Variants in DACH1 observed in about 807,000 individuals in gnomAD.
The protein encoded by DACH1 is dachshund family transcription factor 1.
DACH1 carries 12 observed loss-of-function variants against 54.2 expected under a neutral mutation model. The ratio of observed to expected loss-of-function variants is 0.22; its 90% CI spans 0.14 to 0.36. The LOEUF (loss-of-function observed/expected upper bound fraction) is 0.36, where lower values mean the gene tolerates loss of function less well. Among genes scored for constraint, DACH1 ranks in the 10% least tolerant of loss-of-function variants. The pLI, the probability that DACH1 is intolerant of heterozygous loss-of-function variation, is 1.00. For missense variants in DACH1, 805 were observed against 929.8 expected (o/e 0.87, Z 1.75); for synonymous variants, 386 against 366.2 (o/e 1.05, Z -0.62).
At chr13:71,755,763 A>C (rs2137991417) in intron 1 of DACH1, among the ~76,000 whole-genome samples, 1 of 152,288 alleles carries the variant, frequency 6.6e-6, no homozygotes, top group East Asian at 1.9e-4. Flanking sequence ...AAACTAAATC[A>C]AGTCTGTCCC....
chr13:71,843,955 A>G (rs1594291234), intron 1 of DACH1, among the ~76,000 whole-genome samples: 1 of 152,214 alleles, frequency 6.6e-6, no homozygotes, highest in East Asian at 1.9e-4. Context: ...TGCCCTAGGG[A>G]AGTCATAAAT....
At chr13:71,837,990 T>A in intron 1 of DACH1, among the ~76,000 whole-genome samples, 1 of 96,708 alleles carries the variant, frequency 1.0e-5, no homozygotes, top group African/African-American at 4.2e-5. Flanking sequence ...AATATCACAC[T>A]CTGGGGACTG....
chr13:71,549,038 T>C (rs999039359), intron 6 of DACH1, among the ~76,000 whole-genome samples: 3 of 151,984 alleles, frequency 2.0e-5, no homozygotes, highest in Admixed American at 6.6e-5. Context: ...TACTAGACTA[T>C]GCAAACTATC....
chr13:71,495,971 G>A (rs1305760447), intron 6 of DACH1, among the ~76,000 whole-genome samples: 5 of 151,952 alleles, frequency 3.3e-5, no homozygotes, highest in African/African-American at 1.2e-4. Context: ...AGTGGCTTAC[G>A]CCTGAAATCC....
At chr13:71,682,524 AAAAGGTCTTGC>A (rs1880963425) in intron 1 of DACH1, among the ~76,000 whole-genome samples, 1 of 152,196 alleles carries the variant, frequency 6.6e-6, no homozygotes, top group African/African-American at 2.4e-5. Flanking sequence ...CTAATGTGTG[AAAAGGTCTTGC>A]AATTTCTTTA....
At chr13:71,860,919 GA>G (rs1357074357) in intron 1 of DACH1, among the ~76,000 whole-genome samples, 1 of 151,944 alleles carries the variant, frequency 6.6e-6, no homozygotes, top group Non-Finnish European at 1.5e-5. Context: ...CATCAAATGA[GA>G]AACAATAAAG....
chr13:71,748,896 T>TCTC (rs1566476848), intron 1 of DACH1, among the ~76,000 whole-genome samples: 1 of 64,946 alleles, frequency 1.5e-5, no homozygotes, highest in African/African-American at 7.2e-5. Context: ...CTTTCTTTCT[T>TCTC]TCTCTTTCTT....
chr13:71,589,673 T>C (rs1173475230), intron 3 of DACH1, among the ~76,000 whole-genome samples: 2 of 151,914 alleles, frequency 1.3e-5, no homozygotes, highest in Admixed American at 6.6e-5. Flanking sequence ...TTGATTCACC[T>C]AAAAAGACCT....
intron 1 of DACH1, among the ~76,000 whole-genome samples, chr13:71,816,785 T>A (rs73491965): frequency 0.015 from 2,338 of 151,862 alleles, 60 homozygotes; most frequent in African/African-American, 0.053. Context: ...ATGGAGGCCA[T>A]TGTCCTTAGC....
At chr13:71,574,089 A>G (rs1038587588) in intron 3 of DACH1, among the ~76,000 whole-genome samples, 6 of 152,172 alleles carry the variant, frequency 3.9e-5, no homozygotes, top group African/African-American at 9.7e-5. Flanking sequence ...CAAAAATTAA[A>G]TATGCATGCA....
At chr13:71,650,544 A>G (rs569912408) in intron 2 of DACH1, among the ~76,000 whole-genome samples, 2 of 152,300 alleles carry the variant, frequency 1.3e-5, no homozygotes, top group Non-Finnish European at 2.9e-5. Flanking sequence ...ATAATAAGAT[A>G]TTTAGATTTT....
chr13:71,822,249 T>C (rs1888222580), intron 1 of DACH1, among the ~76,000 whole-genome samples: 1 of 152,188 alleles, frequency 6.6e-6, no homozygotes, highest in Non-Finnish European at 1.5e-5. Flanking sequence ...GGAAATGTGA[T>C]TTCCACTATA....
At chr13:71,491,538 C>A (rs897097934) in intron 6 of DACH1, among the ~76,000 whole-genome samples, 1 of 151,998 alleles carries the variant, frequency 6.6e-6, no homozygotes, top group Admixed American at 6.6e-5. Context: ...TCTTACATAG[C>A]GAAGAGACTA....
chr13:71,593,423 C>T (rs1873872816), intron 3 of DACH1, among the ~76,000 whole-genome samples: 1 of 151,964 alleles, frequency 6.6e-6, no homozygotes, highest in East Asian at 1.9e-4. Flanking sequence ...GAATAGATGC[C>T]AACCCATTTC....
chr13:71,675,470 C>G, intron 2 of DACH1: 2 of 1,488,064 alleles, frequency 1.3e-6, no homozygotes, highest in Non-Finnish European at 1.8e-6. Context: ...GGAGAACGTG[C>G]TTAAGAATCC....
intron 3 of DACH1, among the ~76,000 whole-genome samples, chr13:71,616,488 A>G (rs1875776384): frequency 6.6e-6 from 1 of 152,136 alleles, no homozygotes; most frequent in South Asian, 2.1e-4. Context: ...GGCTCACATC[A>G]GTAATCCCAA....
intron 6 of DACH1, among the ~76,000 whole-genome samples, chr13:71,555,177 G>A (rs909344877): frequency 6.6e-6 from 1 of 152,092 alleles, no homozygotes; most frequent in Admixed American, 6.6e-5. Context: ...GGAAAATTGA[G>A]AAAAGAGTGA....
intron 3 of DACH1, among the ~76,000 whole-genome samples, chr13:71,628,784 T>A (rs1462995025): frequency 6.6e-6 from 1 of 152,128 alleles, no homozygotes; most frequent in East Asian, 1.9e-4. Context: ...AATATGTTGA[T>A]GCTTAATTAT....
chr13:71,747,889 C>A (rs1207022171), intron 1 of DACH1, among the ~76,000 whole-genome samples: 2 of 152,092 alleles, frequency 1.3e-5, no homozygotes, highest in Non-Finnish European at 2.9e-5. Flanking sequence ...ACTTTGGAGA[C>A]CACCCTGGTC....
Sources: allele counts gnomAD v4.1 joint callset (sites outside exome capture counted in the v4.1 genomes callset), GRCh38; gene constraint gnomAD v4.1.1; transcripts MANE v1.5; gene names NCBI Gene and HGNC (gene_info 2026-07-23, HGNC 2026-07-21).